Variants in STK3 observed in about 807,000 individuals in gnomAD.
STK3 encodes serine/threonine kinase 3.
Under a neutral mutation model 58.0 loss-of-function variants are expected in STK3, and 41 were observed. The observed-to-expected ratio is 0.71, with a 90% confidence interval of 0.55 to 0.92. STK3 has a LOEUF of 0.92. Ranked by LOEUF, STK3 falls within the 40% of genes least tolerant of loss-of-function variation. The pLI, the probability that STK3 is intolerant of heterozygous loss-of-function variation, is 0.00. For missense variants in STK3, 479 were observed against 602.7 expected (o/e 0.79, Z 2.15); for synonymous variants, 170 against 191.0 (o/e 0.89, Z 0.91).
At chr8:98,348,679 T>C in the STK3 span, among the ~76,000 whole-genome samples, 3 of 152,208 alleles carry the variant, frequency 2.0e-5, no homozygotes, top group Admixed American at 6.5e-5. Flanking sequence ...CAACATTATA[T>C]GTCATTAGGG....
intron 6 of STK3, among the ~76,000 whole-genome samples, chr8:98,682,140 A>G (rs930208825): frequency 2.6e-5 from 4 of 152,016 alleles, no homozygotes; most frequent in Non-Finnish European, 5.9e-5. Context: ...AAGCATCTAC[A>G]TATGTTCAAG....
chr8:98,731,759 T>G (rs2131251997), intron 4 of STK3, among the ~76,000 whole-genome samples: 1 of 151,432 alleles, frequency 6.6e-6, no homozygotes, highest in East Asian at 1.9e-4. Context: ...AAAAACCTGT[T>G]GTAGGCCCTT....
chr8:98,630,791 GGAAGAA>G (rs1370825971), intron 6 of STK3, among the ~76,000 whole-genome samples: 1 of 146,364 alleles, frequency 6.8e-6, no homozygotes, highest in African/African-American at 2.6e-5. Context: ...AAGAGGAAGA[GGAAGAA>G]GAGGAAGAGG....
chr8:98,511,594 T>G (rs542288811), intron 10 of STK3, among the ~76,000 whole-genome samples: 25 of 152,240 alleles, frequency 1.6e-4, no homozygotes, highest in African/African-American at 5.1e-4. Context: ...TACTAATTCA[T>G]TTTATAATTT....
At chr8:98,486,642 G>T (rs1298244446) in intron 10 of STK3, among the ~76,000 whole-genome samples, 2 of 151,904 alleles carry the variant, frequency 1.3e-5, no homozygotes, top group African/African-American at 4.8e-5. Context: ...AAATGGTGGA[G>T]GAAAAAAGGG....
intron 3 of STK3, among the ~76,000 whole-genome samples, chr8:98,878,060 C>CT (rs59671452): frequency 0.037 from 5,083 of 138,126 alleles, 183 homozygotes; most frequent in African/African-American, 0.095. Flanking sequence ...AAAAGAAAAT[C>CT]TTTTTTTTTT....
At chr8:98,383,886 C>T (rs576795593) in intron 1 of STK3, among the ~76,000 whole-genome samples, 1 of 152,322 alleles carries the variant, frequency 6.6e-6, no homozygotes, top group South Asian at 2.1e-4. Flanking sequence ...CCTTCCAGGG[C>T]AACAGATGGT....
intron 6 of STK3, among the ~76,000 whole-genome samples, chr8:98,675,404 T>C (rs1823126641): frequency 6.6e-6 from 1 of 152,218 alleles, no homozygotes; most frequent in Non-Finnish European, 1.5e-5. Flanking sequence ...CCATAAATCT[T>C]TGAATACAAA....
intron 10 of STK3, among the ~76,000 whole-genome samples, chr8:98,525,428 C>CAA (rs74275395): frequency 3.6e-4 from 43 of 119,340 alleles, no homozygotes; most frequent in Admixed American, 9.3e-4. Flanking sequence ...AAATTTATGC[C>CAA]AAAAAAAAAA....
At chr8:98,691,270 A>C (rs1453451748) in intron 6 of STK3, among the ~76,000 whole-genome samples, 2 of 152,242 alleles carry the variant, frequency 1.3e-5, no homozygotes, top group African/African-American at 2.4e-5. Flanking sequence ...TCCAAAGAAT[A>C]TGAAATGCTG....
At chr8:98,485,982 T>C (rs1234458913) in intron 10 of STK3, among the ~76,000 whole-genome samples, 2 of 152,158 alleles carry the variant, frequency 1.3e-5, no homozygotes, top group Non-Finnish European at 1.5e-5. Context: ...GAAGAGGTAA[T>C]GTTGCGTAGA....
At chr8:98,804,725 C>G (rs980261393) in intron 1 of STK3, among the ~76,000 whole-genome samples, 1 of 152,200 alleles carries the variant, frequency 6.6e-6, no homozygotes, top group African/African-American at 2.4e-5. Flanking sequence ...AATGTATGCA[C>G]TCAAGAAATA....
chr8:98,926,280 C>T (rs553008497), intron 1 of STK3, among the ~76,000 whole-genome samples: 17 of 152,244 alleles, frequency 1.1e-4, no homozygotes, highest in African/African-American at 3.1e-4. Context: ...TTTGCAGCTG[C>T]TTTTATCTGC....
chr8:98,659,975 T>C (rs1010915642), intron 6 of STK3, among the ~76,000 whole-genome samples: 25 of 151,698 alleles, frequency 1.6e-4, no homozygotes, highest in African/African-American at 5.3e-4. Context: ...ATAAAGAAAT[T>C]TAGTGGGTAA....
rs148408583 is a variant in STK3 at position 98,814,520 on chromosome 8, T to C, written c.26+10995A>G. Among the ~76,000 whole-genome samples the C allele has an allele frequency of 8.7e-3, 1,318 of 152,118 alleles. 11 individuals are homozygous for C. The highest frequency in any genetic ancestry group is 0.03 in the African/African-American group (1,241 of 41,486). Reference sequence around the variant, plus strand: ...CCACGCCCAGCTAATTTTTTGTTTGTTGTAGAGACAGGGTCTCACCAGGTC... The same window carrying C: ...CCACGCCCAGCTAATTTTTTGTTTGCTGTAGAGACAGGGTCTCACCAGGTC... On this transcript the variant is annotated intron_variant, in intron 1 of 10. Coordinates refer to ENST00000419617, the MANE Select transcript of STK3 (RefSeq NM_006281.4).
chr8:98,523,534 C>G (rs1297814934), intron 10 of STK3, among the ~76,000 whole-genome samples: 1 of 151,992 alleles, frequency 6.6e-6, no homozygotes, highest in East Asian at 1.9e-4. Context: ...ACCACCACAC[C>G]CCAGCTAATT....
chr8:98,776,192 G>A (rs1831665375), intron 1 of STK3, among the ~76,000 whole-genome samples: 1 of 152,102 alleles, frequency 6.6e-6, no homozygotes, highest in Admixed American at 6.6e-5. Flanking sequence ...ACTGTCCTGG[G>A]AGGTGCTAAT....
chr8:98,786,686 A>T (rs772581975), intron 1 of STK3, among the ~76,000 whole-genome samples: 3 of 152,234 alleles, frequency 2.0e-5, no homozygotes, highest in Non-Finnish European at 4.4e-5. Context: ...ATGATACAGA[A>T]AGAGAAAAAG....
intron 10 of STK3, among the ~76,000 whole-genome samples, chr8:98,464,405 A>G (rs1820261734): frequency 6.6e-6 from 1 of 152,076 alleles, no homozygotes; most frequent in Admixed American, 6.6e-5. Flanking sequence ...TTAACTAACA[A>G]TGAGAACAGG....
Sources: allele counts gnomAD v4.1 joint callset (sites outside exome capture counted in the v4.1 genomes callset), GRCh38; gene constraint gnomAD v4.1.1; transcripts MANE v1.5; gene names NCBI Gene and HGNC (gene_info 2026-07-23, HGNC 2026-07-21).